Variants in TNC observed in about 807,000 individuals in gnomAD.
TNC encodes the protein tenascin C.
A neutral mutation model predicts 202.4 loss-of-function variants in TNC; 109 were observed. That is an observed-to-expected ratio of 0.54 (90% CI 0.46 to 0.63). TNC has a LOEUF of 0.63. TNC is among the 30% of genes least tolerant of loss of function. TNC has a pLI of 0.00. For synonymous variants in TNC, 1,007 were observed against 1,089.7 expected, an observed-to-expected ratio of 0.92 and a Z score of 1.50; for missense variants, 2,756 against 2,833.3, an observed-to-expected ratio of 0.97 and a Z score of 0.62.
chr9:115,042,960 T>A (rs1830880555), intron 17 of TNC, among the ~76,000 whole-genome samples: 1 of 151,664 alleles, frequency 6.6e-6, no homozygotes, highest in African/African-American at 2.4e-5. Flanking sequence ...TGGAAGGAGG[T>A]CCAAAGCCAA....
At chr9:115,026,128 G>A (rs1279661267) in intron 26 of TNC, among the ~76,000 whole-genome samples, 2 of 152,210 alleles carry the variant, frequency 1.3e-5, no homozygotes, top group Non-Finnish European at 2.9e-5. Context: ...ACCTGTGTCA[G>A]CATCTGGAGA....
chr9:115,048,289 G>A lies in TNC; in HGVS notation c.4823C>T (p.Thr1608Ile). 6.2e-7 allele frequency: 1 copy of A among 1,614,064 alleles called. No homozygotes were observed. Among genetic ancestry groups the A allele is most frequent in the East Asian group, 2.2e-5 (1 of 44,880 alleles). Residue 1608 changes from threonine to isoleucine, a missense_variant, in exon 16 of 28, where the codon ACC becomes ATC. Thr to Ile is a moderately conservative substitution (Grantham distance 89, BLOSUM62 -1). Around this residue, in one of 2 missense-constraint regions of TNC, gnomAD observed 2,559 missense variants for 2,546.0 expected, o/e 1.01. Transcript: ENST00000350763. ...MVSGFTQGHQ[T>I]KPLRAEIVTE... ...AACAATCTCAGCCCTCAAGGGCTTG[G>A]TTTGATGCCCTTGGGTGAAGCCAGA...
intron 6 of TNC, among the ~76,000 whole-genome samples, chr9:115,079,218 C>T (rs1834114137): frequency 6.6e-6 from 1 of 150,612 alleles, no homozygotes; most frequent in Admixed American, 6.6e-5. Flanking sequence ...TTTCTTTCTT[C>T]TTCTTCTCCT....
chr9:115,023,938 G>T, intron 27 of TNC, 35 bp downstream of exon 27: 3 of 1,598,832 alleles, frequency 1.9e-6, no homozygotes, highest in Non-Finnish European at 2.6e-6. Context: ...AGCTTCCCAA[G>T]CTTGGCCTGC....
intron 1 of TNC, among the ~76,000 whole-genome samples, chr9:115,109,041 A>G (rs1017976615): frequency 1.3e-5 from 2 of 152,222 alleles, no homozygotes; most frequent in Admixed American, 6.5e-5. Flanking sequence ...CCCTAAAACT[A>G]TGTATTGAAT....
intron 1 of TNC, among the ~76,000 whole-genome samples, chr9:115,095,470 G>A (rs10982524): frequency 0.011 from 418 of 38,018 alleles, 5 homozygotes; most frequent in African/African-American, 0.012. Context: ...ATATATATAT[G>A]TATATATATG....
chr9:115,040,965 G>A lies in TNC; in HGVS notation c.5368C>T (p.Pro1790Ser). ...CCTGTGGTGAATGACCCTGAGACAG[G>A]TTCACTTTCCTCAAAGCCCTTCATG... ...IAMKGFEESE[P>S]VSGSFTTALD... The change falls in exon 19 of 28, where the codon CCT becomes TCT. Residue 1790 changes from proline (P) to serine (S), a missense_variant. Coordinates refer to ENST00000350763, the MANE Select transcript of TNC (RefSeq NM_002160.4). 6.2e-7 allele frequency: 1 copy of A among 1,613,694 alleles called. No homozygotes were observed. The highest frequency in any genetic ancestry group is 8.5e-7 in the Non-Finnish European group (1 of 1,179,912).
Position 115,046,513 on chromosome 9 carries a change from G to A in TNC, c.5022C>T (p.Thr1674=). 1.2e-6 allele frequency: 2 copies of A among 1,614,092 alleles called. No homozygotes were observed. The highest frequency in any genetic ancestry group is 8.5e-7 in the Non-Finnish European group (1 of 1,179,994). The change falls in exon 17 of 28, where the codon ACC becomes ACT. Residue 1674 remains threonine (T), a synonymous_variant. Transcript: ENST00000350763. ...CCTCTCTGAGACCTGTTATGTCCCT[G>A]GTACGTTCGGGGGCAAGTAGGGTTA... ...LEITLLAPER[T]RDITGLREAT...
rs1046190165 is a variant in TNC at position 115,035,268 on chromosome 9, C to T, written c.5723G>A (p.Arg1908Gln). The T allele has an allele frequency of 4.3e-6, 7 of 1,613,176 alleles. No homozygotes were observed. Among genetic ancestry groups the T allele is most frequent in the Non-Finnish European group, 5.9e-6 (7 of 1,179,682 alleles). Residue 1908 changes from arginine (R) to glutamine (Q), a missense_variant, in exon 22 of 28, where the codon CGA becomes CAA. Arg to Gln is a conservative substitution (Grantham distance 43, BLOSUM62 1). Transcript: ENST00000350763. ...VQSETALLTW[R>Q]PPRASVTGYL... ...ACCGGTGACTGATGCCCGGGGGGGT[C>T]GCCAGGTAAGGAGGGCAGTTTCCGA...
At position 115,035,324 on chromosome 9, in the gene TNC, A is replaced by G. The variant is rs753256915; in HGVS notation, c.5667T>C (p.Ser1889=). ...ITAKFTTDLD[S]PRDLTATEVQ... is the part of the protein sequence containing the mutation. Reference sequence around the variant, plus strand: ...CCTCAGTAGCAGTCAAGTCTCTTGGAGAATCGAGGTCTGGAGAAGACAGGA... The same window carrying G: ...CCTCAGTAGCAGTCAAGTCTCTTGGGGAATCGAGGTCTGGAGAAGACAGGA... Residue 1889 remains serine (S), a synonymous_variant, in exon 22 of 28, where the codon TCT becomes TCC. Transcript: ENST00000350763. 6.2e-7 allele frequency: 1 copy of G among 1,611,810 alleles called. No homozygotes were observed. The highest frequency in any genetic ancestry group is 1.1e-5 in the South Asian group (1 of 90,668).
chr9:115,086,523 C>T lies in TNC; in HGVS notation c.1208G>A (p.Cys403Tyr). 2 of 1,614,030 alleles carry T rather than the reference C, an allele frequency of 1.2e-6. No homozygotes were observed. Among genetic ancestry groups the T allele is most frequent in the Non-Finnish European group, 8.5e-7 (1 of 1,180,046 alleles). Residue 403 changes from cysteine to tyrosine, a missense_variant, in exon 3 of 28, where the codon TGT becomes TAT. By Grantham distance (194) the Cys-to-Tyr change is radical. Coordinates refer to ENST00000350763, the MANE Select transcript of TNC (RefSeq NM_002160.4). ...GCCATTGGGACACTTGAGCTCCCCACAGTCAGCTCCAGTGAAACCATCATC... is the reference window on the plus strand; with the variant it reads ...GCCATTGGGACACTTGAGCTCCCCATAGTCAGCTCCAGTGAAACCATCATC... ...ECDDGFTGAD[C>Y]GELKCPNGCS...
At chr9:115,037,214 G>A (rs1448357169) in intron 20 of TNC, among the ~76,000 whole-genome samples, 1 of 152,140 alleles carries the variant, frequency 6.6e-6, no homozygotes, top group Non-Finnish European at 1.5e-5. Context: ...AATTTTCAGA[G>A]GCTCCAGGCA....
intron 27 of TNC, among the ~76,000 whole-genome samples, chr9:115,022,582 T>C (rs78894105): frequency 6.6e-6 from 1 of 152,110 alleles, no homozygotes; most frequent in Non-Finnish European, 1.5e-5. Context: ...GTTTTTTTTT[T>C]CTTTTCCCAG....
chr9:115,049,981 A>G (rs1009623664), intron 15 of TNC, among the ~76,000 whole-genome samples: 13 of 152,180 alleles, frequency 8.5e-5, no homozygotes, highest in African/African-American at 2.9e-4. Context: ...ATTCTGAGGC[A>G]GTTTTTTCCA....
chr9:115,054,874 T>C (rs1284330017), intron 15 of TNC, among the ~76,000 whole-genome samples: 1 of 152,308 alleles, frequency 6.6e-6, no homozygotes. Flanking sequence ...TATCAGTGGG[T>C]GACAAAATGT....
chr9:115,059,877 C>T lies in TNC; in HGVS notation c.4159G>A (p.Val1387Met), dbSNP rs1414108522. Residue 1387 changes from valine (V) to methionine (M), a missense_variant, in exon 14 of 28, where the codon GTG becomes ATG. By Grantham distance (21) the Val-to-Met change is conservative. Around this residue, in one of 2 missense-constraint regions of TNC, gnomAD observed 2,559 missense variants for 2,546.0 expected, o/e 1.01. Transcript: ENST00000350763. Reference protein sequence around the residue: ...FVIQVQEVNKVEAAQNLTLPG... With the variant: ...FVIQVQEVNKMEAAQNLTLPG... Reference sequence around the variant, plus strand: ...AACGTGAGGTTCTGGGCTGCCTCCACTTTGTTGACCTCCTGCACCTGAATG... The same window carrying T: ...AACGTGAGGTTCTGGGCTGCCTCCATTTTGTTGACCTCCTGCACCTGAATG... 9 of 1,614,142 alleles carry T rather than the reference C, an allele frequency of 5.6e-6. No individual in the cohort carries two copies. Among genetic ancestry groups the T allele is most frequent in the South Asian group, 1.1e-5 (1 of 91,082 alleles).
rs76770465 is a variant in TNC, at chr9:115,021,285, G to A, written c.6496-18C>T. On this transcript the variant is annotated intron_variant, in intron 27 of 27. Coordinates refer to ENST00000350763, the MANE Select transcript of TNC (RefSeq NM_002160.4). ...TTAACGCCCTGTTAAAAAAAAAAAA[G>A]AGAGAGAGAGAGAGAGAGAGAAGGC... is the stretch of plus-strand genomic sequence containing the variant. The A allele has an allele frequency of 4.6e-5, 32 of 703,270 alleles. No homozygotes were observed. Among genetic ancestry groups the A allele is most frequent in the South Asian group, 8.8e-5 (3 of 33,992 alleles). The allele number at this position is 703,270 out of a possible 1,614,324, so 43.6% of individuals were successfully genotyped here. A position where few individuals can be genotyped will look rare whatever the true frequency, so the allele number is the denominator to read the frequency against.
chr9:115,077,942 C>A lies in TNC; in HGVS notation c.2674+1G>T. 6.2e-7 allele frequency: 1 copy of A among 1,613,326 alleles called. No individual in the cohort carries two copies. Among genetic ancestry groups the A allele is most frequent in the Non-Finnish European group, 8.5e-7 (1 of 1,179,396 alleles). On this transcript the variant is annotated splice_donor_variant, in intron 7 of 27. Transcript: ENST00000350763. LOFTEE classifies it high-confidence loss of function. ...TCTGTTAACAGGGGGAGGCCTTTTA[C>A]CTGTTGTGAAGGTCTCTTTGGCTGG...
chr9:115,090,636 T>A lies in TNC; in HGVS notation c.383A>T (p.Glu128Val). Residue 128 changes from glutamate (E) to valine (V), a missense_variant, in exon 2 of 28, where the codon GAG becomes GTG. This residue lies in a region of TNC where 2,559 missense variants were observed against 2,546.0 expected (regional missense o/e 1.01). Transcript: ENST00000350763. ...CAGGGAAGACACCAGGTTCTCCAGCTCCTCCAGTCTGCTCAGCAGCTCCTT... is the reference window on the plus strand; with the variant it reads ...CAGGGAAGACACCAGGTTCTCCAGCACCTCCAGTCTGCTCAGCAGCTCCTT... ...DVKELLSRLE[E>V]LENLVSSLRE... 1 of 1,611,678 alleles carries A rather than the reference T, an allele frequency of 6.2e-7. No homozygotes were observed. Among genetic ancestry groups the A allele is most frequent in the Non-Finnish European group, 8.5e-7 (1 of 1,178,282 alleles).
Sources: allele counts gnomAD v4.1 joint callset (sites outside exome capture counted in the v4.1 genomes callset), GRCh38; gene constraint gnomAD v4.1.1; regional missense constraint gnomAD v4.1.1; transcripts MANE v1.5; gene names NCBI Gene and HGNC (gene_info 2026-07-23, HGNC 2026-07-21).